The following LRP1B variants were observed in gnomAD, a reference collection of about 807,000 sequenced individuals.
The protein encoded by LRP1B is LDL receptor related protein 1B.
In LRP1B, 217 loss-of-function variants were observed where a neutral mutation model predicts 556.6. The observed-to-expected ratio is 0.39, with a 90% CI of 0.35 to 0.44. The LOEUF (loss-of-function observed/expected upper bound fraction) is 0.44, where lower values mean the gene tolerates loss of function less well. LRP1B is among the 20% of genes least tolerant of loss of function. The probability of loss-of-function intolerance (pLI) is 1.00; values close to 1 mark genes in which losing one functional copy is unlikely to be tolerated. For missense variants in LRP1B, 5,053 were observed against 5,620.8 expected, an observed-to-expected ratio of 0.90 and a Z score of 3.23; for synonymous variants, 2,047 against 1,865.8, an observed-to-expected ratio of 1.10 and a Z score of -2.50.
At chr2:140,263,698 C>T (rs1682052696) in intron 86 of LRP1B, among the ~76,000 whole-genome samples, 1 of 152,020 alleles carries the variant, frequency 6.6e-6, no homozygotes, top group Non-Finnish European at 1.5e-5. Context: ...CAAAGATCAC[C>T]TTTCCTCTAG....
At chr2:141,277,024 T>A (rs546432783) in intron 3 of LRP1B, among the ~76,000 whole-genome samples, 2 of 152,324 alleles carry the variant, frequency 1.3e-5, no homozygotes, top group South Asian at 2.1e-4. Flanking sequence ...CAAATTTTCT[T>A]TATCTGGTCT....
intron 3 of LRP1B, among the ~76,000 whole-genome samples, chr2:141,343,656 G>A (rs1033409629): frequency 6.6e-6 from 1 of 152,154 alleles, no homozygotes; most frequent in African/African-American, 2.4e-5. Context: ...CTTCTGATAA[G>A]CTTACTTTAT....
In LRP1B at chr2:141,381,938, TGGAAA is replaced by T. The variant is rs1428298500; in HGVS notation, c.343+98453_343+98457del. Among the ~76,000 whole-genome samples the T allele has an allele frequency of 4.2e-3, 638 of 152,250 alleles. 8 individuals are homozygous for T. Among genetic ancestry groups the T allele is most frequent in the African/African-American group, 0.014 (567 of 41,540 alleles). On this transcript the variant is annotated intron_variant, in intron 3 of 90. Transcript: ENST00000389484. ...GATCCTCAGAATTTAGGTACAAGAT[TGGAAA>T]TTTGGTGGAGCCCAGGATCTAGGAA... is the stretch of plus-strand genomic sequence containing the variant.
chr2:141,324,907 T>A (rs1427827393), intron 3 of LRP1B, among the ~76,000 whole-genome samples: 1 of 152,048 alleles, frequency 6.6e-6, no homozygotes, highest in Non-Finnish European at 1.5e-5. Flanking sequence ...TTGTTTAAAT[T>A]TTTCATATAT....
intron 27 of LRP1B, among the ~76,000 whole-genome samples, chr2:140,857,816 ATGTTACATTTATAGGGGAAATG>A (rs1227277038): frequency 1.3e-5 from 2 of 152,172 alleles, no homozygotes; most frequent in African/African-American, 4.8e-5. Context: ...ATGCAATATA[ATGTTACATTTATAGGGGAAATG>A]TGTCTTAAAA....
At chr2:140,414,404 A>T (rs1162051127) in intron 66 of LRP1B, among the ~76,000 whole-genome samples, 1 of 152,094 alleles carries the variant, frequency 6.6e-6, no homozygotes, top group African/African-American at 2.4e-5. Flanking sequence ...AAATACACTT[A>T]TTGTTCTGAT....
At chr2:140,296,320 G>A (rs1042998906) in intron 84 of LRP1B, among the ~76,000 whole-genome samples, 2 of 152,136 alleles carry the variant, frequency 1.3e-5, no homozygotes, top group African/African-American at 4.8e-5. Context: ...TCATTATACA[G>A]ATGGACATAT....
At chr2:141,965,881 C>T in intron 1 of LRP1B, among the ~76,000 whole-genome samples, 1 of 147,198 alleles carries the variant, frequency 6.8e-6, no homozygotes, top group Middle Eastern at 3.5e-3. Flanking sequence ...ATTCTAATTG[C>T]TGAGACAAAT....
intron 41 of LRP1B, among the ~76,000 whole-genome samples, chr2:140,684,082 A>G (rs6718194): frequency 0.94 from 143,318 of 152,290 alleles, 67,470 homozygotes; most frequent in Middle Eastern, 0.98. Context: ...AATACCAATG[A>G]GGATAAATCA....
At chr2:140,794,770 C>T (rs183836365) in intron 32 of LRP1B, among the ~76,000 whole-genome samples, 14 of 152,000 alleles carry the variant, frequency 9.2e-5, no homozygotes, top group African/African-American at 2.7e-4. Flanking sequence ...TGAGCCACTA[C>T]GCCCAGCTAA....
chr2:140,545,203 T>G (rs567808427), intron 43 of LRP1B, among the ~76,000 whole-genome samples: 1 of 151,928 alleles, frequency 6.6e-6, no homozygotes, highest in Non-Finnish European at 1.5e-5. Flanking sequence ...GTCGGACTCA[T>G]AGTTTGCAAA....
Position 140,457,548 on chromosome 2 carries a change from T to C in LRP1B, c.9729A>G (p.Thr3243=), listed in dbSNP as rs778856601. 15 of 1,613,748 alleles carry C rather than the reference T, an allele frequency of 9.3e-6. No individual in the cohort carries two copies. Among genetic ancestry groups the C allele is most frequent in the Non-Finnish European group, 9.3e-6 (11 of 1,179,822 alleles). The change falls in exon 61 of 91, where the codon ACA becomes ACG. Residue 3243 remains threonine (T), a synonymous_variant. Transcript: ENST00000389484. ...TCAGTGAGAGTCTGTCTGCTCCCGATGTTTTATGGGCACGGCTGAGTGACT... is the reference window on the plus strand; with the variant it reads ...TCAGTGAGAGTCTGTCTGCTCCCGACGTTTTATGGGCACGGCTGAGTGACT... ...KTKSLSRAHK[T]SGADRLSLIY...
intron 43 of LRP1B, among the ~76,000 whole-genome samples, chr2:140,580,869 T>C (rs1681733948): frequency 6.6e-6 from 1 of 152,182 alleles, no homozygotes; most frequent in South Asian, 2.1e-4. Flanking sequence ...TCCTCCTGGA[T>C]GTGTCAATTT....
intron 3 of LRP1B, among the ~76,000 whole-genome samples, chr2:141,292,236 C>T (rs1256232594): frequency 6.6e-6 from 1 of 152,146 alleles, no homozygotes; most frequent in Non-Finnish European, 1.5e-5. Flanking sequence ...AACCATCTCC[C>T]CCATCCCGGT....
intron 84 of LRP1B, among the ~76,000 whole-genome samples, chr2:140,276,121 G>T (rs924217444): frequency 6.6e-6 from 1 of 151,930 alleles, no homozygotes; most frequent in Non-Finnish European, 1.5e-5. Flanking sequence ...TATTAAATGA[G>T]ATTAGCTGAG....
chr2:141,330,698 T>C (rs1687605093), intron 3 of LRP1B, among the ~76,000 whole-genome samples: 2 of 152,080 alleles, frequency 1.3e-5, no homozygotes, highest in South Asian at 4.1e-4. Flanking sequence ...CAAGAAGGTC[T>C]GTAGACCACT....
At chr2:142,109,082 G>A (rs1359819073) in intron 1 of LRP1B, among the ~76,000 whole-genome samples, 1 of 152,160 alleles carries the variant, frequency 6.6e-6, no homozygotes, top group Non-Finnish European at 1.5e-5. Flanking sequence ...CTTTTCTAGT[G>A]AGCCTAAAGT....
chr2:140,554,154 G>A (rs530562902), intron 43 of LRP1B, among the ~76,000 whole-genome samples: 2 of 152,148 alleles, frequency 1.3e-5, no homozygotes, highest in East Asian at 3.9e-4. Context: ...ATAAGATAGT[G>A]AAAAATCAAT....
At chr2:141,289,553 T>G (rs1272886408) in intron 3 of LRP1B, among the ~76,000 whole-genome samples, 1 of 152,114 alleles carries the variant, frequency 6.6e-6, no homozygotes, top group African/African-American at 2.4e-5. Flanking sequence ...ATTTCATATT[T>G]AATATTGAGG....
Sources: gnomAD v4.1 joint callset for allele counts (sites outside exome capture counted in the v4.1 genomes callset) on GRCh38, gnomAD v4.1.1 for gene constraint, MANE v1.5 for transcripts, NCBI Gene and HGNC (gene_info 2026-07-23, HGNC 2026-07-21) for gene names.